MAP2: variants seen among roughly 807,000 people sequenced by gnomAD.
MAP2 encodes the protein microtubule-associated protein 2.
A neutral mutation model predicts 137.6 loss-of-function variants in MAP2; 14 were observed. That is an observed-to-expected ratio of 0.10 (90% confidence interval 0.07 to 0.16). The LOEUF (loss-of-function observed/expected upper bound fraction) is 0.16. Ranked by LOEUF, MAP2 falls within the 10% of genes least tolerant of loss-of-function variation. The probability of loss-of-function intolerance (pLI) is 1.00; values close to 1 mark genes in which losing one functional copy is unlikely to be tolerated. For missense variants in MAP2, 2,088 were observed against 2,191.5 expected (o/e 0.95, Z 0.94); for synonymous variants, 786 against 782.3 (o/e 1.00, Z -0.08).
At chr2:209,500,618 T>C (rs1318317429) in intron 1 of MAP2, among the ~76,000 whole-genome samples, 1 of 152,164 alleles carries the variant, frequency 6.6e-6, no homozygotes, top group Non-Finnish European at 1.5e-5. Flanking sequence ...CGTGGCTTTT[T>C]GTCTTTTGGC....
Position 209,477,842 on chromosome 2 carries a change from T to TAA in MAP2, c.-221-29736_-221-29735dup, listed in dbSNP as rs540336538. On this transcript the variant is annotated intron_variant, in intron 1 of 15. Coordinates refer to ENST00000682079, the MANE Select transcript of MAP2 (RefSeq NM_001375505.1). ...GTGAGGCCTCCTCTATACAAAATAT[T>TAA]AAAAAAAAAAAAAAAGCCAGGTGTG... Among the ~76,000 whole-genome samples, 89 of 131,772 alleles carry TAA rather than the reference T, an allele frequency of 6.8e-4. 1 individual carries two copies. Among genetic ancestry groups the TAA allele is most frequent in the African/African-American group, 1.9e-3 (70 of 36,220 alleles). The allele number at this position is 131,772 out of a possible 152,430, so 86.4% of individuals were successfully genotyped here. A position where few individuals can be genotyped will look rare whatever the true frequency, so the allele number is the denominator to read the frequency against.
chr2:209,685,278 G>GA (rs1254500388), intron 7 of MAP2, among the ~76,000 whole-genome samples: 6 of 151,286 alleles, frequency 4.0e-5, no homozygotes, highest in Admixed American at 2.0e-4. Context: ...TTTCCTTTAA[G>GA]AAAAAAAATC....
At chr2:209,696,891 T>C (rs774588059) in intron 9 of MAP2, 26 bp from the exon 10 acceptor site, 2 of 1,581,266 alleles carry the variant, frequency 1.3e-6, no homozygotes, top group East Asian at 2.2e-5. Context: ...CCTGATGGTA[T>C]GCTTTTTGTG....
chr2:209,682,166 A>G (rs1446412557), intron 7 of MAP2, among the ~76,000 whole-genome samples: 2 of 152,146 alleles, frequency 1.3e-5, no homozygotes, highest in African/African-American at 4.8e-5. Flanking sequence ...GTACTCTTCA[A>G]ATTCTGAGTA....
chr2:209,621,246 C>T (rs2091059009), intron 3 of MAP2, among the ~76,000 whole-genome samples: 1 of 146,936 alleles, frequency 6.8e-6, no homozygotes, highest in East Asian at 2.0e-4. Flanking sequence ...CCAGCAACTT[C>T]AGGCATCTTG....
intron 2 of MAP2, among the ~76,000 whole-genome samples, chr2:209,521,843 T>G (rs2063329185): frequency 6.6e-6 from 1 of 152,148 alleles, no homozygotes; most frequent in African/African-American, 2.4e-5. Flanking sequence ...GTACTAAAGC[T>G]CCTATGGTAT....
At chr2:209,503,072 T>C (rs891115608) in intron 1 of MAP2, among the ~76,000 whole-genome samples, 21 of 148,750 alleles carry the variant, frequency 1.4e-4, no homozygotes, top group African/African-American at 4.7e-4. Context: ...CAGTCACAGC[T>C]CACTGCAGCC....
chr2:209,663,586 A>G (rs546768284), intron 5 of MAP2, among the ~76,000 whole-genome samples: 17 of 152,340 alleles, frequency 1.1e-4, no homozygotes, highest in African/African-American at 4.1e-4. Flanking sequence ...GAACACAGAA[A>G]TGAGAGTAAA....
chr2:209,677,724 G>A (rs932989768), intron 5 of MAP2, among the ~76,000 whole-genome samples: 1 of 151,808 alleles, frequency 6.6e-6, no homozygotes, highest in African/African-American at 2.4e-5. Context: ...TAGTTATTTG[G>A]TATCTCACAG....
rs143075061 is a variant in MAP2 at position 209,616,793 on chromosome 2, A to G, written c.-106-8260A>G. The stretch of plus-strand genomic sequence containing the variant: ...TGTTAGTGATAGTGTCTGAAAATAG[A>G]CAGTGGGATGAGTATGTATTAGTCT... On this transcript the variant is annotated intron_variant, in intron 3 of 15. Coordinates refer to ENST00000682079, the MANE Select transcript of MAP2 (RefSeq NM_001375505.1). 1.4e-3 allele frequency among the ~76,000 whole-genome samples: 206 copies of G among 152,324 alleles called. 2 individuals carry two copies. The highest frequency in any genetic ancestry group is 2.3e-3 in the Non-Finnish European group (158 of 68,024).
At chr2:209,619,308 G>T (rs146304597) in intron 3 of MAP2, among the ~76,000 whole-genome samples, 1 of 152,222 alleles carries the variant, frequency 6.6e-6, no homozygotes, top group East Asian at 1.9e-4. Context: ...TGACAACTAT[G>T]TGAAGTAATA....
At chr2:209,600,317 C>G (rs1311449211) in intron 3 of MAP2, among the ~76,000 whole-genome samples, 1 of 152,224 alleles carries the variant, frequency 6.6e-6, no homozygotes, top group Non-Finnish European at 1.5e-5. Context: ...TGAGGCCATT[C>G]TTCTCTCAGG....
intron 12 of MAP2, among the ~76,000 whole-genome samples, chr2:209,706,573 C>A (rs548847954): frequency 6.6e-6 from 1 of 151,996 alleles, no homozygotes; most frequent in East Asian, 1.9e-4. Context: ...TCACAGTTCG[C>A]AAGTGGTTGA....
At chr2:209,557,304 A>G (rs575900134) in intron 2 of MAP2, among the ~76,000 whole-genome samples, 1 of 152,346 alleles carries the variant, frequency 6.6e-6, no homozygotes, top group South Asian at 2.1e-4. Context: ...ACTTTAGTCC[A>G]GTATGTGAGT....
chr2:209,586,215 A>G (rs1272236818), intron 3 of MAP2, among the ~76,000 whole-genome samples: 1 of 152,136 alleles, frequency 6.6e-6, no homozygotes, highest in Non-Finnish European at 1.5e-5. Context: ...GCTTATTAAC[A>G]TGGAAAATCA....
chr2:209,506,436 G>T (rs767777966), intron 1 of MAP2, among the ~76,000 whole-genome samples: 1 of 152,144 alleles, frequency 6.6e-6, no homozygotes, highest in Non-Finnish European at 1.5e-5. Context: ...ACATGTAGAA[G>T]AACATATGCT....
intron 1 of MAP2, among the ~76,000 whole-genome samples, chr2:209,474,110 C>CTAA (rs1185428235): frequency 8.5e-6 from 1 of 117,670 alleles, no homozygotes; most frequent in Non-Finnish European, 1.7e-5. Flanking sequence ...TACTCATTAC[C>CTAA]TTAGATGCTC....
intron 1 of MAP2, among the ~76,000 whole-genome samples, chr2:209,475,844 G>A (rs1707077339): frequency 2.6e-5 from 4 of 152,200 alleles, no homozygotes; most frequent in Non-Finnish European, 2.9e-5. Context: ...TCACAGTTTA[G>A]CAGTATTCCA....
At chr2:209,508,764 A>C (rs1218622806) in intron 2 of MAP2, among the ~76,000 whole-genome samples, 1 of 152,058 alleles carries the variant, frequency 6.6e-6, no homozygotes, top group South Asian at 2.1e-4. Flanking sequence ...AATGTCTACA[A>C]GTATTGGTTT....
Sources: gnomAD v4.1 joint callset for allele counts (sites outside exome capture counted in the v4.1 genomes callset) on GRCh38, gnomAD v4.1.1 for gene constraint, MANE v1.5 for transcripts, NCBI Gene and HGNC (gene_info 2026-07-23, HGNC 2026-07-21) for gene names.